The following NTNG1 variants were observed in gnomAD, a reference collection of about 807,000 sequenced individuals.
NTNG1 encodes the protein netrin G1, also known as netrin-G1.
NTNG1 carries 16 observed loss-of-function variants against 54.0 expected under a neutral mutation model. The ratio of observed to expected loss-of-function variants is 0.30; its 90% CI spans 0.20 to 0.45. The LOEUF is 0.45. Ranked by LOEUF, NTNG1 falls within the 20% of genes least tolerant of loss-of-function variation. NTNG1 has a pLI of 1.00. For synonymous variants in NTNG1, 255 were observed against 263.1 expected (o/e 0.97, Z 0.30); for missense variants, 530 against 678.7 (o/e 0.78, Z 2.43).
At chr1:107,468,143 CTGTGTGAT>C in intron 7 of NTNG1, among the ~76,000 whole-genome samples, 1 of 152,226 alleles carries the variant, frequency 6.6e-6, no homozygotes, top group Admixed American at 6.5e-5. Flanking sequence ...AAAGTTACCG[CTGTGTGAT>C]TTTAGTAGCT....
intron 3 of NTNG1, among the ~76,000 whole-genome samples, chr1:107,389,004 C>CTAAAG (rs770658769): frequency 1.3e-4 from 20 of 152,184 alleles, no homozygotes; most frequent in Non-Finnish European, 2.9e-4. Flanking sequence ...GAGGATGATC[C>CTAAAG]ACATTTTGGA....
At chr1:107,388,650 T>A (rs901212944) in intron 3 of NTNG1, among the ~76,000 whole-genome samples, 1 of 152,228 alleles carries the variant, frequency 6.6e-6, no homozygotes, top group African/African-American at 2.4e-5. Context: ...TGTTGATTTG[T>A]TAAGTTACTT....
intron 2 of NTNG1, among the ~76,000 whole-genome samples, chr1:107,256,799 G>A (rs1662965082): frequency 6.6e-6 from 1 of 152,122 alleles, no homozygotes; most frequent in South Asian, 2.1e-4. Flanking sequence ...AAACTAGAGA[G>A]CAAATGAAGG....
intron 2 of NTNG1, among the ~76,000 whole-genome samples, chr1:107,205,997 A>G (rs954769524): frequency 6.6e-6 from 1 of 152,120 alleles, no homozygotes; most frequent in African/African-American, 2.4e-5. Flanking sequence ...CTCATTGCTC[A>G]CTGTGACAAT....
chr1:107,249,424 G>A (rs992875378), intron 2 of NTNG1, among the ~76,000 whole-genome samples: 7 of 149,672 alleles, frequency 4.7e-5, no homozygotes, highest in African/African-American at 1.5e-4. Context: ...GGAGGTTGCT[G>A]TGAGCCGAGA....
chr1:107,434,702 A>G (rs1030966813), intron 6 of NTNG1, among the ~76,000 whole-genome samples: 1 of 152,208 alleles, frequency 6.6e-6, no homozygotes, highest in Non-Finnish European at 1.5e-5. Context: ...CAATTCTAGT[A>G]TAACTTTTAA....
At chr1:107,292,725 C>T (rs1665694910) in intron 2 of NTNG1, among the ~76,000 whole-genome samples, 1 of 152,052 alleles carries the variant, frequency 6.6e-6, no homozygotes, top group Admixed American at 6.6e-5. Flanking sequence ...ACATGCTCAC[C>T]TCTCAAGTGC....
intron 2 of NTNG1, among the ~76,000 whole-genome samples, chr1:107,273,804 C>T (rs1175135772): frequency 6.6e-6 from 1 of 152,172 alleles, no homozygotes; most frequent in Non-Finnish European, 1.5e-5. Flanking sequence ...AGTTGGTGAT[C>T]CCTGAATATG....
chr1:107,383,305 A>T (rs984613089), intron 3 of NTNG1, among the ~76,000 whole-genome samples: 1 of 152,212 alleles, frequency 6.6e-6, no homozygotes, highest in African/African-American at 2.4e-5. Context: ...TGCAAAACCC[A>T]AGAGAGCATT....
intron 2 of NTNG1, among the ~76,000 whole-genome samples, chr1:107,226,309 T>C (rs939662936): frequency 6.6e-6 from 1 of 152,152 alleles, no homozygotes; most frequent in Non-Finnish European, 1.5e-5. Flanking sequence ...TTTAGGTTTT[T>C]TTCTTCCTCC....
intron 3 of NTNG1, among the ~76,000 whole-genome samples, chr1:107,377,477 A>G (rs1422771449): frequency 2.6e-5 from 4 of 152,234 alleles, no homozygotes; most frequent in Admixed American, 6.5e-5. Context: ...CTCCTGGCCC[A>G]GGAGAAAAAC....
At chr1:107,431,127 G>A (rs891942449) in intron 6 of NTNG1, among the ~76,000 whole-genome samples, 5 of 152,032 alleles carry the variant, frequency 3.3e-5, no homozygotes, top group African/African-American at 4.8e-5. Context: ...TTATGTTGTT[G>A]CTTTAAATAT....
At chr1:107,143,936 G>T (rs571195441) in intron 1 of NTNG1, among the ~76,000 whole-genome samples, 1 of 151,960 alleles carries the variant, frequency 6.6e-6, no homozygotes, top group Non-Finnish European at 1.5e-5. Context: ...CAATTACCAC[G>T]GTGTGTTATT....
At chr1:107,380,751 G>A (rs1035004034) in intron 3 of NTNG1, among the ~76,000 whole-genome samples, 1 of 152,084 alleles carries the variant, frequency 6.6e-6, no homozygotes, top group African/African-American at 2.4e-5. Context: ...AGGACCTGGG[G>A]ATTCAGCCCT....
chr1:107,480,870 T>C lies in NTNG1; in HGVS notation c.*30T>C. The C allele has an allele frequency of 6.6e-7, 1 of 1,512,792 alleles. No individual in the cohort carries two copies. Among genetic ancestry groups the C allele is most frequent in the Non-Finnish European group, 9.0e-7 (1 of 1,114,384 alleles). The allele number at this position is 1,512,792 out of a possible 1,614,324, so 93.7% of individuals were successfully genotyped here. On this transcript the variant is annotated 3_prime_UTR_variant, in exon 8 of 8. Transcript: ENST00000370068. ...CACCTCCAGCCACACCGGACGGGCC[T>C]GTGCCGTGGGGAAGCAGACACAACC...
At chr1:107,178,395 A>G (rs533172647) in intron 2 of NTNG1, among the ~76,000 whole-genome samples, 64 of 151,260 alleles carry the variant, frequency 4.2e-4, no homozygotes, top group African/African-American at 1.4e-3. Flanking sequence ...TTCTTGCACT[A>G]TTTGCCTATT....
At chr1:107,227,440 C>T (rs1660760727) in intron 2 of NTNG1, among the ~76,000 whole-genome samples, 1 of 152,122 alleles carries the variant, frequency 6.6e-6, no homozygotes, top group South Asian at 2.1e-4. Context: ...GCCCTGCTTT[C>T]CAACTCTGTG....
intron 3 of NTNG1, among the ~76,000 whole-genome samples, chr1:107,361,391 A>ATT (rs1177736263): frequency 0.042 from 3,654 of 87,940 alleles, 243 homozygotes; most frequent in Admixed American, 0.16. Context: ...ATATATATAT[A>ATT]TTTTTTTTTT....
At chr1:107,244,362 G>A (rs552285463) in intron 2 of NTNG1, among the ~76,000 whole-genome samples, 2 of 152,226 alleles carry the variant, frequency 1.3e-5, no homozygotes, top group South Asian at 2.1e-4. Context: ...TGACAATTTT[G>A]TTTCCCCTCC....
Sources: gnomAD v4.1 joint callset for allele counts (sites outside exome capture counted in the v4.1 genomes callset) on GRCh38, gnomAD v4.1.1 for gene constraint, MANE v1.5 for transcripts, NCBI Gene and HGNC (gene_info 2026-07-23, HGNC 2026-07-21) for gene names.